The following CPNE8 variants were observed in gnomAD, a reference collection of about 807,000 sequenced individuals.
CPNE8 encodes copine 8, also known as copine-8.
CPNE8 carries 45 observed loss-of-function variants against 81.5 expected under a neutral mutation model. The ratio of observed to expected loss-of-function variants is 0.55; its 90% CI spans 0.44 to 0.71. The LOEUF (loss-of-function observed/expected upper bound fraction) is 0.71, where lower values mean the gene tolerates loss of function less well. CPNE8 is among the 30% of genes least tolerant of loss of function. CPNE8 has a pLI of 0.00. For missense variants in CPNE8, 594 were observed against 672.1 expected, an observed-to-expected ratio of 0.88 and a Z score of 1.28; for synonymous variants, 252 against 226.3, an observed-to-expected ratio of 1.11 and a Z score of -1.02.
chr12:38,833,635 C>T (rs943086799), intron 5 of CPNE8, among the ~76,000 whole-genome samples: 17 of 151,826 alleles, frequency 1.1e-4, no homozygotes, highest in South Asian at 4.2e-4. Flanking sequence ...CTCGTCACCA[C>T]GCCCAGCTAA....
In CPNE8 at chr12:38,840,241, A is replaced by G. The variant is rs865934095; in HGVS notation, c.291-286T>C. Among the ~76,000 whole-genome samples, 5 of 152,256 alleles carry G rather than the reference A, an allele frequency of 3.3e-5. No individual in the cohort carries two copies. In the East Asian group the frequency reaches 5.8e-4, roughly 18 times the overall value. On this transcript the variant is annotated intron_variant, in intron 4 of 19. Coordinates refer to ENST00000331366, the MANE Select transcript of CPNE8 (RefSeq NM_153634.3). Reference sequence around the variant, plus strand: ...AGTTTAAACTTTCTCTTTTCTGTGCATAAGTTTAAACCTTCTCTTTTCTGT... The same window carrying G: ...AGTTTAAACTTTCTCTTTTCTGTGCGTAAGTTTAAACCTTCTCTTTTCTGT...
chr12:38,742,673 T>TATAAATAAATAA (rs1555151385), intron 10 of CPNE8, among the ~76,000 whole-genome samples: 26 of 68,838 alleles, frequency 3.8e-4, no homozygotes, highest in African/African-American at 9.1e-4. Context: ...GAACTTAAAA[T>TATAAATAAATAA]ATAAATAAAT....
At position 38,840,211 on chromosome 12, in the gene CPNE8, T is replaced by C. The variant is rs117360568; in HGVS notation, c.291-256A>G. Among the ~76,000 whole-genome samples the C allele has an allele frequency of 2.8e-3, 424 of 152,316 alleles. 1 individual carries two copies. The highest frequency in any genetic ancestry group is 4.3e-3 in the Non-Finnish European group (293 of 68,012). Reference sequence around the variant, plus strand: ...TTTCTCAATAATCAATTCTACTTTTTGATAAGTTTAAACTTTCTCTTTTCT... The same window carrying C: ...TTTCTCAATAATCAATTCTACTTTTCGATAAGTTTAAACTTTCTCTTTTCT... On this transcript the variant is annotated intron_variant, in intron 4 of 19. Coordinates refer to ENST00000331366, the MANE Select transcript of CPNE8 (RefSeq NM_153634.3).
At chr12:38,862,987 G>GA (rs200465675) in intron 3 of CPNE8, among the ~76,000 whole-genome samples, 2,332 of 150,640 alleles carry the variant, frequency 0.015, 70 homozygotes, top group African/African-American at 0.053. Context: ...CCAAAAATGA[G>GA]AAAAAAAAAT....
intron 11 of CPNE8, 124 bp from the exon 12 acceptor site, chr12:38,725,023 T>C: frequency 3.5e-6 from 3 of 860,948 alleles, no homozygotes; most frequent in Non-Finnish European, 5.5e-6. Context: ...CATTTACAAA[T>C]GCTTTCAGTA....
chr12:38,827,013 C>CAAA (rs56670584), intron 6 of CPNE8, among the ~76,000 whole-genome samples: 1 of 91,664 alleles, frequency 1.1e-5, no homozygotes, highest in African/African-American at 4.2e-5. Flanking sequence ...ACTAAAAATA[C>CAAA]AAAAAAAAAA....
intron 13 of CPNE8, 64 bp downstream of exon 13, chr12:38,723,708 A>C: frequency 1.7e-4 from 152 of 892,674 alleles, no homozygotes; most frequent in Non-Finnish European, 2.6e-4. Flanking sequence ...ACCTCGTGGT[A>C]GCGCTTGTTA....
intron 6 of CPNE8, among the ~76,000 whole-genome samples, chr12:38,799,706 C>G (rs559440717): frequency 6.6e-6 from 1 of 151,506 alleles, no homozygotes; most frequent in East Asian, 2.0e-4. Flanking sequence ...GCGTGAGCGA[C>G]GCAGAAGACG....
chr12:38,713,468 A>G (rs1940312022), intron 13 of CPNE8, among the ~76,000 whole-genome samples: 1 of 152,184 alleles, frequency 6.6e-6, no homozygotes, highest in African/African-American at 2.4e-5. Flanking sequence ...CATCTGTTTT[A>G]TCTGATGATT....
intron 11 of CPNE8, among the ~76,000 whole-genome samples, chr12:38,725,760 C>T (rs1032901625): frequency 2.6e-5 from 4 of 152,128 alleles, no homozygotes; most frequent in South Asian, 2.1e-4. Context: ...CCCACACAAC[C>T]GGATCAGAAG....
chr12:38,873,392 C>A (rs373565937), intron 2 of CPNE8, among the ~76,000 whole-genome samples: 13 of 152,098 alleles, frequency 8.5e-5, no homozygotes, highest in African/African-American at 2.9e-4. Flanking sequence ...ACAAGCCAAG[C>A]TCTCCCTAAG....
chr12:38,872,936 T>C (rs1944013366), intron 3 of CPNE8, 68 bp downstream of exon 3: 4 of 891,478 alleles, frequency 4.5e-6, no homozygotes, highest in Non-Finnish European at 7.3e-6. Context: ...GAAAGTATCA[T>C]CTTGATCAAG....
intron 19 of CPNE8, among the ~76,000 whole-genome samples, chr12:38,664,729 C>A (rs1939029917): frequency 6.6e-6 from 1 of 152,092 alleles, no homozygotes; most frequent in South Asian, 2.1e-4. Flanking sequence ...CAGTTCTACT[C>A]TTCTTTAAAA....
At position 38,760,827 on chromosome 12, in the gene CPNE8, GAAGAT is replaced by G; in HGVS notation, c.722+15_722+19del. On this transcript the variant is annotated intron_variant, in intron 10 of 19. Coordinates refer to ENST00000331366, the MANE Select transcript of CPNE8 (RefSeq NM_153634.3). ...TAAAGTACACCCAGTTCAAGAGTAA[GAAGAT>G]AAGAACTGTCTTACCTTCCATCTCG... 1 of 1,584,102 alleles carries G rather than the reference GAAGAT, an allele frequency of 6.3e-7. No homozygotes were observed. Among genetic ancestry groups the G allele is most frequent in the East Asian group, 2.3e-5 (1 of 43,518 alleles).
chr12:38,867,329 TGTGTGTGTGTGAGA>T, intron 3 of CPNE8, among the ~76,000 whole-genome samples: 1 of 143,410 alleles, frequency 7.0e-6, no homozygotes, highest in South Asian at 2.2e-4. Flanking sequence ...TGTGTGTGTG[TGTGTGTGTGTGAGA>T]GAGAGAGAGA....
At chr12:38,835,759 G>A (rs1943369327) in intron 5 of CPNE8, among the ~76,000 whole-genome samples, 1 of 152,014 alleles carries the variant, frequency 6.6e-6, no homozygotes, top group East Asian at 1.9e-4. Context: ...TAACTGATCT[G>A]TATGTGAAAG....
intron 10 of CPNE8, among the ~76,000 whole-genome samples, chr12:38,733,150 T>A (rs1940873539): frequency 6.6e-6 from 1 of 151,974 alleles, no homozygotes; most frequent in Admixed American, 6.6e-5. Context: ...CAAGAATATA[T>A]CTGAAGAATC....
intron 16 of CPNE8, among the ~76,000 whole-genome samples, chr12:38,679,377 G>T (rs1939362389): frequency 6.6e-6 from 1 of 151,840 alleles, no homozygotes; most frequent in African/African-American, 2.4e-5. Flanking sequence ...GCCTAAAGCA[G>T]ATCATAGTAA....
chr12:38,842,363 G>A (rs1943483543), intron 4 of CPNE8, among the ~76,000 whole-genome samples: 1 of 151,962 alleles, frequency 6.6e-6, no homozygotes, highest in Non-Finnish European at 1.5e-5. Context: ...TGTGGACTGG[G>A]GAGAAATGAC....
Sources: gnomAD v4.1 joint callset for allele counts (sites outside exome capture counted in the v4.1 genomes callset) on GRCh38, gnomAD v4.1.1 for gene constraint, MANE v1.5 for transcripts, NCBI Gene and HGNC (gene_info 2026-07-23, HGNC 2026-07-21) for gene names.